PCDH17: variants seen among roughly 807,000 people sequenced by gnomAD.
PCDH17 encodes protocadherin-17.
In PCDH17, 21 loss-of-function variants were observed where a neutral mutation model predicts 67.7. That is an observed-to-expected ratio of 0.31 (90% CI 0.22 to 0.45). The LOEUF (loss-of-function observed/expected upper bound fraction) is 0.45, where lower values mean the gene tolerates loss of function less well. Ranked by LOEUF, PCDH17 falls within the 20% of genes least tolerant of loss-of-function variation. The probability of loss-of-function intolerance (pLI) is 1.00; values close to 1 mark genes in which losing one functional copy is unlikely to be tolerated. For synonymous variants in PCDH17, 701 were observed against 656.7 expected, an observed-to-expected ratio of 1.07 and a Z score of -1.03; for missense variants, 1,471 against 1,564.8, an observed-to-expected ratio of 0.94 and a Z score of 1.01.
rs1235299559 is a variant in PCDH17, at chr13:57,633,037, A to G, written c.491A>G (p.Asn164Ser). 6.2e-7 allele frequency: 1 copy of G among 1,612,820 alleles called. No homozygotes were observed. Among genetic ancestry groups the G allele is most frequent in the South Asian group, 1.1e-5 (1 of 91,054 alleles). Residue 164 changes from asparagine (N) to serine (S), a missense_variant, in exon 1 of 4, where the codon AAT becomes AGT. By Grantham distance (46) the Asn-to-Ser change is conservative (BLOSUM62 1). This residue lies in a region of PCDH17 where 1,163 missense variants were observed against 1,230.0 expected (regional missense o/e 0.95). Transcript: ENST00000377918. The surrounding 1 kb of genome is among the most constrained non-coding windows in gnomAD (Gnocchi z 6.2). ...TSAHDPDAGE[N>S]GLRTYLLTRD... Reference sequence around the variant, plus strand: ...GCACATGACCCCGACGCCGGCGAGAATGGGCTCCGCACCTACCTGCTCACG... The same window carrying G: ...GCACATGACCCCGACGCCGGCGAGAGTGGGCTCCGCACCTACCTGCTCACG...
In PCDH17 at chr13:57,632,662, G is replaced by T. The variant is rs373973582; in HGVS notation, c.116G>T (p.Gly39Val). ...QGAGTVIGNI[G>V]RDARLQPGLP... ...GCCGGCACGGTGATCGGGAACATCG[G>T]CAGGGATGCTCGACTGCAGCCTGGG... Residue 39 changes from glycine to valine, a missense_variant, in exon 1 of 4, where the codon GGC becomes GTC. Gly to Val is a moderately radical substitution (Grantham distance 109). Around this residue, in one of 3 missense-constraint regions of PCDH17, gnomAD observed 1,163 missense variants for 1,230.0 expected, o/e 0.95. Transcript: ENST00000377918. 29 of 1,612,152 alleles carry T rather than the reference G, an allele frequency of 1.8e-5. No homozygotes were observed. Among genetic ancestry groups the T allele is most frequent in the Non-Finnish European group, 2.3e-5 (27 of 1,179,948 alleles).
At chr13:57,685,701 A>T (rs971399526) in intron 3 of PCDH17, among the ~76,000 whole-genome samples, 5 of 152,024 alleles carry the variant, frequency 3.3e-5, no homozygotes, top group Admixed American at 3.3e-4. Flanking sequence ...AATCAATTTT[A>T]TATAGAATAA....
upstream of PCDH17, among the ~76,000 whole-genome samples, chr13:57,631,571 C>G (rs1034421676): frequency 6.6e-6 from 1 of 152,112 alleles, no homozygotes; most frequent in Admixed American, 6.6e-5. Flanking sequence ...GTGTGTTCTA[C>G]GAACAGAGGC....
chr13:57,648,378 G>A (rs2807635), intron 1 of PCDH17, among the ~76,000 whole-genome samples: 36,231 of 151,738 alleles, frequency 0.24, 5,851 homozygotes, highest in African/African-American at 0.47. Context: ...GCACCCATCT[G>A]CTCCCAGGAA....
At chr13:57,665,013 G>A (rs943781452) in intron 1 of PCDH17, among the ~76,000 whole-genome samples, 11 of 152,092 alleles carry the variant, frequency 7.2e-5, no homozygotes, top group African/African-American at 2.4e-4. Flanking sequence ...AGTAAAAGAC[G>A]GTTAGGAGTG....
intron 3 of PCDH17, among the ~76,000 whole-genome samples, chr13:57,692,576 A>G (rs1172121389): frequency 6.6e-6 from 1 of 151,308 alleles, no homozygotes; most frequent in South Asian, 2.1e-4. Flanking sequence ...TATGTATTTC[A>G]TATCCTTTTA....
intron 3 of PCDH17, among the ~76,000 whole-genome samples, chr13:57,693,017 G>C (rs1215931799): frequency 6.7e-6 from 1 of 150,318 alleles, no homozygotes. Flanking sequence ...AGAGACAGTG[G>C]AATTTCTCAG....
chr13:57,648,979 A>G (rs1593899737), intron 1 of PCDH17, among the ~76,000 whole-genome samples: 1 of 152,200 alleles, frequency 6.6e-6, no homozygotes, highest in South Asian at 2.1e-4. Flanking sequence ...TACATTATGT[A>G]AATTGATCAA....
chr13:57,665,792 G>A (rs1713499079), intron 1 of PCDH17, among the ~76,000 whole-genome samples: 1 of 152,106 alleles, frequency 6.6e-6, no homozygotes, highest in African/African-American at 2.4e-5. Flanking sequence ...ATGTCTTTAT[G>A]CTCACGTTTT....
chr13:57,704,396 C>T (rs534479845), intron 3 of PCDH17, among the ~76,000 whole-genome samples: 25 of 152,006 alleles, frequency 1.6e-4, no homozygotes, highest in Non-Finnish European at 3.1e-4. Flanking sequence ...GTCTATCAAG[C>T]GTTTTTCCCT....
chr13:57,684,053 G>T (rs1416517924), intron 3 of PCDH17, among the ~76,000 whole-genome samples: 1 of 151,360 alleles, frequency 6.6e-6, no homozygotes, highest in Non-Finnish European at 1.5e-5. Context: ...ACTTATAGGA[G>T]AACCCATATT....
chr13:57,652,979 G>C (rs1407378155), intron 1 of PCDH17, among the ~76,000 whole-genome samples: 2 of 152,124 alleles, frequency 1.3e-5, no homozygotes, highest in African/African-American at 4.8e-5. Flanking sequence ...TAAAATCTAT[G>C]CTGTGACCTA....
At chr13:57,641,145 A>C (rs2137983141) in intron 1 of PCDH17, among the ~76,000 whole-genome samples, 1 of 152,030 alleles carries the variant, frequency 6.6e-6, no homozygotes, top group Non-Finnish European at 1.5e-5. Flanking sequence ...AAACTTCGTC[A>C]GACCTGCATT....
At chr13:57,717,589 A>T (rs939939378) in intron 3 of PCDH17, among the ~76,000 whole-genome samples, 1 of 151,972 alleles carries the variant, frequency 6.6e-6, no homozygotes, top group African/African-American at 2.4e-5. Context: ...TCACTTGCTT[A>T]TGATATAGGA....
At chr13:57,711,559 T>C (rs1593946112) in intron 3 of PCDH17, among the ~76,000 whole-genome samples, 1 of 151,820 alleles carries the variant, frequency 6.6e-6, no homozygotes, top group Admixed American at 6.6e-5. Flanking sequence ...ATGTGACAAA[T>C]TTGAAGTTAT....
intron 1 of PCDH17, among the ~76,000 whole-genome samples, chr13:57,635,920 T>A (rs1418899533): frequency 6.6e-6 from 1 of 152,190 alleles, no homozygotes; most frequent in Non-Finnish European, 1.5e-5. Flanking sequence ...AGAGGCTCAT[T>A]TTGCGCTACT....
intron 3 of PCDH17, among the ~76,000 whole-genome samples, chr13:57,670,411 A>T (rs1322900537): frequency 6.6e-6 from 1 of 151,680 alleles, no homozygotes; most frequent in Non-Finnish European, 1.5e-5. Context: ...AAACAAAAGT[A>T]AATTTTCTCT....
intron 3 of PCDH17, among the ~76,000 whole-genome samples, chr13:57,671,730 C>T (rs544125279): frequency 6.6e-6 from 1 of 152,026 alleles, no homozygotes; most frequent in Admixed American, 6.6e-5. Flanking sequence ...CCCAATTTTC[C>T]AAGGATTATC....
At chr13:57,636,604 A>G (rs1954826486) in intron 1 of PCDH17, among the ~76,000 whole-genome samples, 1 of 152,122 alleles carries the variant, frequency 6.6e-6, no homozygotes, top group South Asian at 2.1e-4. Flanking sequence ...AGTAATCATA[A>G]TTTTTTAAGG....
Sources: gnomAD v4.1 joint callset for allele counts (sites outside exome capture counted in the v4.1 genomes callset) on GRCh38, gnomAD v4.1.1 for gene constraint, gnomAD v4.1.1 regional missense constraint, Gnocchi (gnomAD v3.1) non-coding constraint, MANE v1.5 for transcripts, NCBI Gene and HGNC (gene_info 2026-07-23, HGNC 2026-07-21) for gene names.